The following YBEY variants were observed in gnomAD, a reference collection of about 807,000 sequenced individuals.
YBEY encodes ybeY metalloendoribonuclease, also known as endoribonuclease YbeY.
Under a neutral mutation model 13.5 loss-of-function variants are expected in YBEY, and 15 were observed. The ratio of observed to expected loss-of-function variants is 1.11; its 90% CI spans 0.75 to 1.72. The LOEUF (loss-of-function observed/expected upper bound fraction) is 1.72, where lower values mean the gene tolerates loss of function less well. Among genes scored for constraint, YBEY ranks in the 40% most tolerant of loss-of-function variants. The pLI, the probability that YBEY is intolerant of heterozygous loss-of-function variation, is 0.00. For synonymous variants in YBEY, 101 were observed against 83.1 expected (o/e 1.21, Z -1.17); for missense variants, 244 against 208.4 (o/e 1.17, Z -1.05).
chr21:46,301,417 G>C (rs569475471), downstream of YBEY: 6 of 948,810 alleles, frequency 6.3e-6, no homozygotes, highest in African/African-American at 1.1e-4. Context: ...AAAGTGCTGG[G>C]ATTACAGGCA....
intron 2 of YBEY, among the ~76,000 whole-genome samples, chr21:46,289,285 A>G (rs954398921): frequency 1.6e-4 from 25 of 152,316 alleles, no homozygotes; most frequent in East Asian, 5.8e-4. Flanking sequence ...GAAAGAAATG[A>G]AAAGCCATTT....
chr21:46,310,497 TAA>T, the YBEY span, among the ~76,000 whole-genome samples: 1 of 127,348 alleles, frequency 7.9e-6, no homozygotes. Context: ...AAAATAAAAA[TAA>T]AAAAAAAAAA....
chr21:46,298,133 GGCGAGGCC>G (rs1353792566), downstream of YBEY, among the ~76,000 whole-genome samples: 1 of 152,242 alleles, frequency 6.6e-6, no homozygotes, highest in Non-Finnish European at 1.5e-5. Context: ...CCAGGGCCAC[GGCGAGGCC>G]GCCGAGCAGC....
At chr21:46,300,987 G>A (rs1344630820), downstream of YBEY, 9 of 810,230 alleles carry the variant, frequency 1.1e-5, no homozygotes, top group Non-Finnish European at 1.5e-5. Context: ...GGAGTGAGCC[G>A]CCCTTCCACT....
At chr21:46,290,291 C>T (rs1193852268) in intron 2 of YBEY, among the ~76,000 whole-genome samples, 2 of 152,060 alleles carry the variant, frequency 1.3e-5, no homozygotes, top group Non-Finnish European at 2.9e-5. Context: ...CTGCAACCTC[C>T]GCCTCCCAGG....
the YBEY span, chr21:46,312,954 T>C: frequency 1.0e-6 from 1 of 980,102 alleles, no homozygotes; most frequent in Non-Finnish European, 1.2e-6. Flanking sequence ...GAAAATAAAT[T>C]ATAGCCAAAT....
At chr21:46,303,703 CACAA>C in the YBEY span, among the ~76,000 whole-genome samples, 14 of 55,160 alleles carry the variant, frequency 2.5e-4, 1 homozygote, top group East Asian at 3.4e-3. Context: ...CACACACACA[CACAA>C]AATATATATA....
downstream of YBEY, among the ~76,000 whole-genome samples, chr21:46,299,535 C>G (rs1187821056): frequency 1.3e-5 from 2 of 152,146 alleles, no homozygotes; most frequent in African/African-American, 4.8e-5. Flanking sequence ...AGTCACCCGG[C>G]CCTTCACGTT....
chr21:46,297,951 G>C (rs2082005173), downstream of YBEY, among the ~76,000 whole-genome samples: 1 of 151,934 alleles, frequency 6.6e-6, no homozygotes, highest in South Asian at 2.1e-4. Flanking sequence ...GTGCCGCAGC[G>C]CGTCCTTCCG....
chr21:46,310,802 ACTCTCT>A, the YBEY span, among the ~76,000 whole-genome samples: 19 of 149,298 alleles, frequency 1.3e-4, no homozygotes, highest in Non-Finnish European at 2.7e-4. Flanking sequence ...AAAGTAAGAC[ACTCTCT>A]CTCTCTCTCT....
At chr21:46,299,739 ATG>A (rs924957126), downstream of YBEY, among the ~76,000 whole-genome samples, 4 of 148,126 alleles carry the variant, frequency 2.7e-5, no homozygotes, top group Non-Finnish European at 6.0e-5. Flanking sequence ...GGTGTGCACA[ATG>A]TGCCCTGAGC....
rs773002446 is a variant in YBEY, at chr21:46,289,441, G to GTTTTT, written c.211-1889_211-1888insTTTTT. Among the ~76,000 whole-genome samples, 58 of 136,578 alleles carry GTTTTT rather than the reference G, an allele frequency of 4.2e-4. 3 individuals carry two copies. The highest frequency in any genetic ancestry group is 5.7e-4 in the Admixed American group (7 of 12,374). The allele number at this position is 136,578 out of a possible 152,430, so 89.6% of individuals were successfully genotyped here. On this transcript the variant is annotated intron_variant, in intron 2 of 4. Transcript: ENST00000397701. Reference sequence around the variant, plus strand: ...TTCAGGGAGGTAAAGGAAGGCAAGGGTTTTGTTTTTTTTTTTTTTTTTGAG... The same window carrying GTTTTT: ...TTCAGGGAGGTAAAGGAAGGCAAGGGTTTTTTTTTGTTTTTTTTTTTTTTTTTGAG...
Position 46,291,414 on chromosome 21 carries a change from T to C in YBEY, c.291T>C (p.Tyr97=). 6.2e-7 allele frequency: 1 copy of C among 1,614,136 alleles called. No homozygotes were observed. Among genetic ancestry groups the C allele is most frequent in the Non-Finnish European group, 8.5e-7 (1 of 1,180,020 alleles). The change falls in exon 3 of 5, where the codon TAT becomes TAC. Residue 97 remains tyrosine, a synonymous_variant. Transcript: ENST00000397701. ...GAGACATTTTCCTAGGAGTGGAGTATATCTTCCATCAGTGTAAAGAAAATG... is the reference window on the plus strand; with the variant it reads ...GAGACATTTTCCTAGGAGTGGAGTACATCTTCCATCAGTGTAAAGAAAATG... ...NLGDIFLGVE[Y]IFHQCKENED... is the part of the protein sequence containing the mutation.
Position 46,286,910 on chromosome 21 carries a change from T to A in YBEY, c.-4T>A. 4.3e-6 allele frequency: 7 copies of A among 1,613,802 alleles called. No homozygotes were observed. The highest frequency in any genetic ancestry group is 5.9e-6 in the Non-Finnish European group (7 of 1,179,914). ...TTTTTAAAGGGCTGGTTATTCTTCC[T>A]GAAATGAGTTTGGTGATTAGAAATC... On this transcript the variant is annotated 5_prime_UTR_variant, in exon 2 of 5. Transcript: ENST00000397701.
At chr21:46,287,953 A>G (rs1397380213) in intron 2 of YBEY, among the ~76,000 whole-genome samples, 1 of 151,892 alleles carries the variant, frequency 6.6e-6, no homozygotes, top group East Asian at 1.9e-4. Flanking sequence ...TGGAGGTTGC[A>G]GTGAGCTGAG....
the YBEY span, among the ~76,000 whole-genome samples, chr21:46,308,590 C>T: frequency 4.6e-5 from 7 of 152,106 alleles, no homozygotes; most frequent in Non-Finnish European, 7.4e-5. Context: ...TGGCCATAAG[C>T]GAAAACAAGA....
chr21:46,303,604 C>T, the YBEY span, among the ~76,000 whole-genome samples: 1 of 148,302 alleles, frequency 6.7e-6, no homozygotes, highest in East Asian at 2.0e-4. Context: ...GTGATGCTCG[C>T]ACTTTGGGAG....
chr21:46,302,245 G>A (rs2082137729), downstream of YBEY: 4 of 1,432,866 alleles, frequency 2.8e-6, no homozygotes, highest in Non-Finnish European at 3.7e-6. Flanking sequence ...TGGATCCCAT[G>A]TGATAGGCAG....
downstream of YBEY, chr21:46,302,226 A>C (rs548603992): frequency 2.3e-4 from 334 of 1,431,770 alleles, 4 homozygotes; most frequent in South Asian, 4.5e-3. Context: ...CCCTGTTCCT[A>C]ACTGGGGCTG....
Sources: allele counts gnomAD v4.1 joint callset (sites outside exome capture counted in the v4.1 genomes callset), GRCh38; gene constraint gnomAD v4.1.1; transcripts MANE v1.5; gene names NCBI Gene and HGNC (gene_info 2026-07-23, HGNC 2026-07-21).